LRRTM4: variants seen among roughly 807,000 people sequenced by gnomAD.
LRRTM4 encodes leucine rich repeat transmembrane neuronal 4.
In LRRTM4, 25 loss-of-function variants were observed where a neutral mutation model predicts 47.6. The ratio of observed to expected loss-of-function variants is 0.53; its 90% CI spans 0.38 to 0.73. LRRTM4 has a LOEUF of 0.73. Among genes scored for constraint, LRRTM4 ranks in the 30% least tolerant of loss-of-function variants. The pLI is 0.00. For synonymous variants in LRRTM4, 311 were observed against 269.5 expected, an observed-to-expected ratio of 1.15 and a Z score of -1.51; for missense variants, 638 against 713.4, an observed-to-expected ratio of 0.89 and a Z score of 1.20.
chr2:77,450,599 G>C (rs1272157600), intron 3 of LRRTM4, among the ~76,000 whole-genome samples: 3 of 151,888 alleles, frequency 2.0e-5, no homozygotes, highest in African/African-American at 7.3e-5. Flanking sequence ...TACTATTGTT[G>C]CCTCTCTTTG....
At chr2:76,859,320 A>C (rs1461361630) in intron 3 of LRRTM4, among the ~76,000 whole-genome samples, 3 of 152,130 alleles carry the variant, frequency 2.0e-5, no homozygotes, top group Admixed American at 1.3e-4. Context: ...AAAATAGAAA[A>C]AATGGCACCA....
intron 3 of LRRTM4, among the ~76,000 whole-genome samples, chr2:76,869,020 A>G (rs1318566746): frequency 1.3e-5 from 2 of 151,892 alleles, no homozygotes; most frequent in African/African-American, 4.8e-5. Context: ...GCTAATAAAA[A>G]TGTAAGGTGG....
intron 3 of LRRTM4, among the ~76,000 whole-genome samples, chr2:76,984,016 T>C (rs1365795050): frequency 2.0e-5 from 3 of 152,112 alleles, no homozygotes; most frequent in Non-Finnish European, 4.4e-5. Flanking sequence ...ACTACCTGAA[T>C]ACCTTCTGTT....
At chr2:77,313,138 A>G (rs1450922414) in intron 3 of LRRTM4, among the ~76,000 whole-genome samples, 2 of 146,434 alleles carry the variant, frequency 1.4e-5, no homozygotes, top group African/African-American at 5.2e-5. Flanking sequence ...GTGCCTCCCT[A>G]TGTTTTCCTG....
intron 3 of LRRTM4, among the ~76,000 whole-genome samples, chr2:76,842,756 G>A (rs1238931949): frequency 2.0e-5 from 3 of 151,904 alleles, no homozygotes; most frequent in Non-Finnish European, 2.9e-5. Context: ...TTTAAGTTCT[G>A]GGATACATGT....
At chr2:77,390,548 T>C (rs1389621923) in intron 3 of LRRTM4, among the ~76,000 whole-genome samples, 1 of 152,004 alleles carries the variant, frequency 6.6e-6, no homozygotes, top group Admixed American at 6.6e-5. Flanking sequence ...ACATAACATA[T>C]GTGAAGCATC....
At chr2:76,788,818 T>A (rs543165355) in intron 3 of LRRTM4, among the ~76,000 whole-genome samples, 3 of 152,228 alleles carry the variant, frequency 2.0e-5, no homozygotes, top group African/African-American at 4.8e-5. Context: ...CATAGAGAAG[T>A]TTTTATATTA....
intron 3 of LRRTM4, among the ~76,000 whole-genome samples, chr2:77,300,198 C>A (rs1173053209): frequency 6.6e-6 from 1 of 152,036 alleles, no homozygotes; most frequent in East Asian, 1.9e-4. Context: ...CAAGAGAGTA[C>A]CTAAAAGCAA....
intron 3 of LRRTM4, among the ~76,000 whole-genome samples, chr2:77,457,004 GTATATATATATATATA>G (rs1171771344): frequency 0.016 from 370 of 23,156 alleles, 5 homozygotes; most frequent in South Asian, 0.079. Context: ...GTGTGTGTGT[GTATATATATATATATA>G]TATATATATA....
At chr2:77,257,022 A>G (rs72809134) in intron 3 of LRRTM4, among the ~76,000 whole-genome samples, 104 of 152,268 alleles carry the variant, frequency 6.8e-4, no homozygotes, top group Admixed American at 1.4e-3. Context: ...CCATATTAAT[A>G]GGCTAAAGAA....
At chr2:77,327,604 T>G (rs185175348) in intron 3 of LRRTM4, among the ~76,000 whole-genome samples, 20 of 152,298 alleles carry the variant, frequency 1.3e-4, no homozygotes, top group Non-Finnish European at 2.4e-4. Flanking sequence ...TTGAGGGATT[T>G]CTTATTCTTT....
intron 3 of LRRTM4, among the ~76,000 whole-genome samples, chr2:76,966,080 T>A (rs889955779): frequency 2.6e-5 from 4 of 151,530 alleles, no homozygotes; most frequent in African/African-American, 9.7e-5. Flanking sequence ...AAATCTATAC[T>A]AGGATAGACA....
At chr2:77,502,513 A>G (rs978954226) in intron 3 of LRRTM4, among the ~76,000 whole-genome samples, 80 of 151,794 alleles carry the variant, frequency 5.3e-4, no homozygotes, top group African/African-American at 1.7e-3. Flanking sequence ...GAAGATATGT[A>G]ATTATCTTTA....
intron 3 of LRRTM4, among the ~76,000 whole-genome samples, chr2:77,143,469 G>A (rs1486543932): frequency 6.6e-6 from 1 of 152,050 alleles, no homozygotes; most frequent in Non-Finnish European, 1.5e-5. Context: ...TTTCTTTCTT[G>A]GTAGTGGTAA....
At chr2:76,804,030 T>C (rs996573967) in intron 3 of LRRTM4, among the ~76,000 whole-genome samples, 1 of 152,182 alleles carries the variant, frequency 6.6e-6, no homozygotes, top group African/African-American at 2.4e-5. Flanking sequence ...TGTGTTACTC[T>C]GGGACAGCCT....
At chr2:77,345,033 T>C (rs2104284204) in intron 3 of LRRTM4, among the ~76,000 whole-genome samples, 1 of 151,162 alleles carries the variant, frequency 6.6e-6, no homozygotes, top group African/African-American at 2.4e-5. Context: ...ATAACTAAAA[T>C]AATACTGTAA....
chr2:76,950,033 A>G (rs1675446498), intron 3 of LRRTM4, among the ~76,000 whole-genome samples: 2 of 151,916 alleles, frequency 1.3e-5, no homozygotes, highest in Admixed American at 1.3e-4. Context: ...TTGGACATGA[A>G]TGAGTGAGAG....
intron 3 of LRRTM4, among the ~76,000 whole-genome samples, chr2:77,394,042 T>C (rs17014046): frequency 0.02 from 3,007 of 152,098 alleles, 106 homozygotes; most frequent in African/African-American, 0.069. Context: ...AATGAAGTAT[T>C]GGATGTAATA....
At chr2:77,507,117 C>A (rs1408000902) in intron 3 of LRRTM4, among the ~76,000 whole-genome samples, 1 of 151,792 alleles carries the variant, frequency 6.6e-6, no homozygotes, top group East Asian at 1.9e-4. Context: ...AAAAAGCATT[C>A]ATTTACTTTA....
Sources: gnomAD v4.1 joint callset for allele counts (sites outside exome capture counted in the v4.1 genomes callset) on GRCh38, gnomAD v4.1.1 for gene constraint, MANE v1.5 for transcripts, NCBI Gene and HGNC (gene_info 2026-07-23, HGNC 2026-07-21) for gene names.